The following KATNIP variants were observed in gnomAD, a reference collection of about 807,000 sequenced individuals.
KATNIP encodes the protein katanin-interacting protein.
Under a neutral mutation model 174.0 loss-of-function variants are expected in KATNIP, and 126 were observed. That is an observed-to-expected ratio of 0.72 (90% CI 0.63 to 0.84). The LOEUF (loss-of-function observed/expected upper bound fraction) is 0.84, where lower values mean the gene tolerates loss of function less well. Among genes scored for constraint, KATNIP ranks in the 40% least tolerant of loss-of-function variants. The pLI, the probability that KATNIP is intolerant of heterozygous loss-of-function variation, is 0.00. For missense variants in KATNIP, 1,958 were observed against 2,109.7 expected (o/e 0.93, Z 1.41); for synonymous variants, 810 against 835.7 (o/e 0.97, Z 0.53).
At chr16:27,573,384 C>T (rs976069415) in intron 1 of KATNIP, among the ~76,000 whole-genome samples, 1 of 152,166 alleles carries the variant, frequency 6.6e-6, no homozygotes, top group African/African-American at 2.4e-5. Context: ...TTCTAGCTCC[C>T]CCAGAAAAGC....
Position 27,740,668 on chromosome 16 carries a change from G to T in KATNIP, c.2371G>T (p.Asp791Tyr). The T allele has an allele frequency of 6.2e-7, 1 of 1,614,196 alleles. No homozygotes were observed. Among genetic ancestry groups the T allele is most frequent in the Non-Finnish European group, 8.5e-7 (1 of 1,180,046 alleles). ...GGCCTGGAAGGGCAGGCTCCCATCAGACGATGTCATCGGTGAGGGTCCTGG... is the reference window on the plus strand; with the variant it reads ...GGCCTGGAAGGGCAGGCTCCCATCATACGATGTCATCGGTGAGGGTCCTGG... ...PLAWKGRLPS[D>Y]DVIGEGPGET... Residue 791 changes from aspartate to tyrosine, a missense_variant, in exon 15 of 28, where the codon GAC (aspartate) becomes TAC (tyrosine). Coordinates refer to ENST00000261588, the MANE Select transcript of KATNIP (RefSeq NM_015202.5).
intron 2 of KATNIP, among the ~76,000 whole-genome samples, chr16:27,588,986 A>G (rs950700890): frequency 1.3e-5 from 2 of 149,402 alleles, no homozygotes; most frequent in Non-Finnish European, 3.0e-5. Flanking sequence ...TTCCAGACTC[A>G]AGGGATTCTT....
chr16:27,650,085 A>T (rs1365402769), intron 6 of KATNIP, among the ~76,000 whole-genome samples: 1 of 151,982 alleles, frequency 6.6e-6, no homozygotes, highest in African/African-American at 2.4e-5. Flanking sequence ...AGACAGGAGA[A>T]CCTCTTGAAC....
intron 6 of KATNIP, among the ~76,000 whole-genome samples, chr16:27,674,220 G>A (rs78386841): frequency 0.016 from 2,404 of 152,318 alleles, 27 homozygotes; most frequent in Middle Eastern, 0.051. Flanking sequence ...AGCTGTATTC[G>A]TTTCCTATTT....
At chr16:27,619,254 T>C (rs1438916189) in intron 3 of KATNIP, among the ~76,000 whole-genome samples, 1 of 152,202 alleles carries the variant, frequency 6.6e-6, no homozygotes, top group African/African-American at 2.4e-5. Flanking sequence ...AGGCCAGCTG[T>C]CTGTGAGACC....
intron 14 of KATNIP, among the ~76,000 whole-genome samples, chr16:27,733,399 T>G (rs1461277019): frequency 6.6e-6 from 1 of 152,122 alleles, no homozygotes; most frequent in African/African-American, 2.4e-5. Flanking sequence ...GGGCAAAATG[T>G]GGGCCAGGAA....
At chr16:27,690,833 G>A (rs964886259) in intron 8 of KATNIP, among the ~76,000 whole-genome samples, 4 of 152,172 alleles carry the variant, frequency 2.6e-5, no homozygotes, top group African/African-American at 4.8e-5. Flanking sequence ...GAAAGGGGGC[G>A]CCATCACCTA....
chr16:27,607,180 C>T (rs1004402978), intron 2 of KATNIP, among the ~76,000 whole-genome samples: 17 of 152,110 alleles, frequency 1.1e-4, no homozygotes, highest in African/African-American at 4.1e-4. Context: ...ACCCACGCCA[C>T]GTGGACTGAG....
chr16:27,701,605 C>T lies in KATNIP; in HGVS notation c.1196C>T (p.Thr399Met), dbSNP rs370400198. The T allele has an allele frequency of 5.8e-5, 92 of 1,597,032 alleles. No individual in the cohort carries two copies. Among genetic ancestry groups the T allele is most frequent in the South Asian group, 2.7e-4 (24 of 87,378 alleles). Residue 399 changes from threonine to methionine, a missense_variant, in exon 11 of 28, where the codon ACG becomes ATG. Around this residue, in one of 3 missense-constraint regions of KATNIP, gnomAD observed 1,557 missense variants for 1,617.8 expected, o/e 0.96. Coordinates refer to ENST00000261588, the MANE Select transcript of KATNIP (RefSeq NM_015202.5). ...CATCCTCAGCTGCTTCCCATCACCA[C>T]GGCGACTACTACTCAGGAGCCGGCC... ...EETLELLPIT[T>M]ATTTQEPAGA...
At position 27,677,713 on chromosome 16, in the gene KATNIP, T is replaced by G. The variant is rs781307786; in HGVS notation, c.541-16T>G. 5.0e-6 allele frequency: 8 copies of G among 1,597,334 alleles called. No homozygotes were observed. Among genetic ancestry groups the G allele is most frequent in the Non-Finnish European group, 6.9e-6 (8 of 1,167,030 alleles). On this transcript the variant is annotated splice_polypyrimidine_tract_variant and intron_variant, in intron 6 of 27. Transcript: ENST00000261588. ...TACCATATTTATCTCTCATCTCTCT[T>G]CTGGGCTTTTTGCAGGAGCTGAGAA...
At chr16:27,734,898 A>G (rs1469083415) in intron 14 of KATNIP, among the ~76,000 whole-genome samples, 1 of 152,194 alleles carries the variant, frequency 6.6e-6, no homozygotes, top group Admixed American at 6.5e-5. Context: ...TGGGGAAGGC[A>G]TGTGCCTCAG....
At chr16:27,564,746 GGCTT>G (rs60987314) in intron 1 of KATNIP, among the ~76,000 whole-genome samples, 33 of 151,822 alleles carry the variant, frequency 2.2e-4, no homozygotes, top group South Asian at 1.0e-3. Flanking sequence ...GTGTCTGCCT[GGCTT>G]GCTTGCTTGC....
chr16:27,777,998 TG>T lies in KATNIP; in HGVS notation c.4801+30del. 2 of 1,602,028 alleles carry T rather than the reference TG, an allele frequency of 1.2e-6. No homozygotes were observed. Among genetic ancestry groups the T allele is most frequent in the Non-Finnish European group, 1.7e-6 (2 of 1,169,450 alleles). Reference sequence around the variant, plus strand: ...AGTGGCGTTTCTCTGCCCAGAGCATTGTGCCTTGGGAGCTCGGTCTGAATAT... The same window carrying T: ...AGTGGCGTTTCTCTGCCCAGAGCATTTGCCTTGGGAGCTCGGTCTGAATAT... On this transcript the variant is annotated intron_variant, in intron 27 of 27. Coordinates refer to ENST00000261588, the MANE Select transcript of KATNIP (RefSeq NM_015202.5). This position sits in a 1 kb window ranked among gnomAD's most constrained non-coding sequence, Gnocchi z 4.4.
At chr16:27,570,991 G>A (rs2090270465) in intron 1 of KATNIP, among the ~76,000 whole-genome samples, 1 of 152,188 alleles carries the variant, frequency 6.6e-6, no homozygotes, top group African/African-American at 2.4e-5. Context: ...AATGCATTTT[G>A]AAGTTAAGCT....
chr16:27,715,437 T>C (rs1162114346), intron 13 of KATNIP, among the ~76,000 whole-genome samples: 1 of 152,160 alleles, frequency 6.6e-6, no homozygotes, highest in Admixed American at 6.5e-5. Context: ...AAAAAACGGA[T>C]AAGTCAGACT....
In KATNIP at chr16:27,777,067, G is replaced by A. The variant is rs748819331; in HGVS notation, c.4551+38G>A. 8.9e-6 allele frequency: 12 copies of A among 1,342,374 alleles called. No homozygotes were observed. In the Admixed American group the frequency reaches 2.1e-4, roughly 23 times the overall value. The allele number at this position is 1,342,374 out of a possible 1,614,324, so 83.2% of individuals were successfully genotyped here. ...TAGCTGAGTTTTTTGAGATAATTAT[G>A]CTCGTTGGTAATTAGGCCGCCGGCA... On this transcript the variant is annotated intron_variant, in intron 25 of 27. Coordinates refer to ENST00000261588, the MANE Select transcript of KATNIP (RefSeq NM_015202.5). The surrounding 1 kb of genome is among the most constrained non-coding windows in gnomAD (Gnocchi z 4.4).
chr16:27,740,427 C>T lies in KATNIP; in HGVS notation c.2130C>T (p.Asp710=), dbSNP rs60859318. 7.7e-4 allele frequency: 1,237 copies of T among 1,614,014 alleles called. 11 individuals are homozygous for T. The African/African-American group carries it at 0.014, about 19-fold the overall frequency. Residue 710 remains aspartate (D), a synonymous_variant, in exon 15 of 28, where the codon GAC becomes GAT. Transcript: ENST00000261588. ...RLSAVPTSMG[D]MPSAPATSPP... is the part of the protein sequence containing the mutation. ...CGGCAGTCCCCACTTCGATGGGTGA[C>T]ATGCCCAGTGCTCCTGCCACTTCCC...
intron 5 of KATNIP, 39 bp downstream of exon 5, chr16:27,631,201 A>G (rs1442672943): frequency 6.9e-7 from 1 of 1,447,362 alleles, no homozygotes; most frequent in Admixed American, 2.0e-5. Flanking sequence ...TTTAGAATAC[A>G]GAGTGTGGGT....
At chr16:27,743,836 G>A (rs2081192014) in intron 15 of KATNIP, among the ~76,000 whole-genome samples, 1 of 152,124 alleles carries the variant, frequency 6.6e-6, no homozygotes, top group Non-Finnish European at 1.5e-5. Context: ...CACGGCCTAT[G>A]GTCACAGCCA....
Sources: allele counts gnomAD v4.1 joint callset (sites outside exome capture counted in the v4.1 genomes callset), GRCh38; gene constraint gnomAD v4.1.1; regional missense constraint gnomAD v4.1.1; non-coding constraint Gnocchi (gnomAD v3.1); transcripts MANE v1.5; gene names NCBI Gene and HGNC (gene_info 2026-07-23, HGNC 2026-07-21).